The following RDX variants were observed in gnomAD, a reference collection of about 807,000 sequenced individuals.
RDX encodes the protein radixin.
Under a neutral mutation model 83.7 loss-of-function variants are expected in RDX, and 32 were observed. That is an observed-to-expected ratio of 0.38 (90% confidence interval 0.29 to 0.51). The LOEUF (loss-of-function observed/expected upper bound fraction) is 0.51, where lower values mean the gene tolerates loss of function less well. RDX is among the 20% of genes least tolerant of loss of function. The pLI is 0.87. For synonymous variants in RDX, 229 were observed against 222.7 expected (o/e 1.03, Z -0.25); for missense variants, 600 against 689.9 (o/e 0.87, Z 1.46).
At chr11:110,296,361 G>GCGC (rs1861460543) in intron 1 of RDX, 106 bp downstream of exon 1, 2 of 151,424 alleles carry the variant, frequency 1.3e-5, no homozygotes, top group Admixed American at 6.6e-5. Flanking sequence ...CCTGGCGGCG[G>GCGC]CGCCACGGCC....
At chr11:110,217,355 A>C (rs927831451) in intron 14 of RDX, among the ~76,000 whole-genome samples, 3 of 152,158 alleles carry the variant, frequency 2.0e-5, no homozygotes, top group Non-Finnish European at 4.4e-5. Flanking sequence ...GTGTTTTCCT[A>C]CTGGAAGTCA....
At chr11:110,286,055 AT>A (rs35300831) in intron 1 of RDX, among the ~76,000 whole-genome samples, 43,336 of 151,852 alleles carry the variant, frequency 0.29, 6,639 homozygotes, top group Middle Eastern at 0.35. Context: ...CCCACTCTTA[AT>A]TCTCTTAATT....
At chr11:110,283,184 C>T (rs1860835083) in intron 1 of RDX, among the ~76,000 whole-genome samples, 1 of 151,996 alleles carries the variant, frequency 6.6e-6, no homozygotes, top group Non-Finnish European at 1.5e-5. Context: ...GATGGAGTCT[C>T]GCTCTGTCAC....
At chr11:110,264,318 G>A in intron 4 of RDX, 84 bp from the exon 5 acceptor site, 1 of 932,676 alleles carries the variant, frequency 1.1e-6, no homozygotes, top group Non-Finnish European at 1.6e-6. Flanking sequence ...CTTTTTGGAA[G>A]AAAATGAAGT....
At chr11:110,205,418 A>G (rs546291311) in intron 14 of RDX, among the ~76,000 whole-genome samples, 6 of 136,796 alleles carry the variant, frequency 4.4e-5, no homozygotes, top group Non-Finnish European at 7.8e-5. Context: ...AAATTGTAAA[A>G]CGTTTACCTA....
Position 110,231,605 on chromosome 11 carries a change from A to G in RDX, c.*264T>C, listed in dbSNP as rs1286198951. The G allele has an allele frequency of 1.4e-5, 7 of 494,364 alleles. No individual in the cohort carries two copies. The highest frequency in any genetic ancestry group is 5.8e-5 in the African/African-American group (3 of 51,810). 30.6% of individuals were successfully genotyped at this position (494,364 alleles called of 1,614,324 possible). On this transcript the variant is annotated 3_prime_UTR_variant, in exon 14 of 14. Transcript: ENST00000645495. ...ATTAGTGTTAATCTTCAACAGAAAA[A>G]AAAAAGAAAAAGAAAAAAAATGTGA... is the stretch of plus-strand genomic sequence containing the variant.
At chr11:110,202,756 A>T (rs1412812790) in intron 14 of RDX, among the ~76,000 whole-genome samples, 1 of 151,952 alleles carries the variant, frequency 6.6e-6, no homozygotes. Flanking sequence ...AAGACATACA[A>T]ATGGCAGCAG....
chr11:110,235,788 T>C (rs541568051), intron 12 of RDX, among the ~76,000 whole-genome samples: 5 of 152,340 alleles, frequency 3.3e-5, no homozygotes, highest in African/African-American at 7.2e-5. Flanking sequence ...TGACTACTTC[T>C]TCAGTCTCTA....
chr11:110,258,000 TTTACA>T (rs1859615101), intron 6 of RDX, 87 bp from the exon 7 acceptor site: 1 of 1,473,436 alleles, frequency 6.8e-7, no homozygotes, highest in Non-Finnish European at 9.5e-7. Context: ...AAATTAGTAC[TTTACA>T]TAAGTCAAAC....
chr11:110,182,209 C>T lies in RDX; in HGVS notation c.*32-6975G>A, dbSNP rs190390257. Among the ~76,000 whole-genome samples the T allele has an allele frequency of 5.5e-4, 84 of 152,346 alleles. 1 individual carries two copies. The East Asian group carries it at 8.9e-3, about 16-fold the overall frequency. Reference sequence around the variant, plus strand: ...GCAGTGCTGGGTGCCAAGGGAGACGCGGAAGAGGTGGAGCTCCAGGAGGGC... The same window carrying T: ...GCAGTGCTGGGTGCCAAGGGAGACGTGGAAGAGGTGGAGCTCCAGGAGGGC... On this transcript the variant is annotated intron_variant, in intron 15 of 15. Coordinates refer to the RDX transcript ENST00000528498.
intron 14 of RDX, among the ~76,000 whole-genome samples, chr11:110,216,544 T>TC (rs1477937254): frequency 2.7e-5 from 4 of 148,002 alleles, no homozygotes; most frequent in East Asian, 2.0e-4. Context: ...TTTTTTTCTT[T>TC]TTTTTTTTTT....
At chr11:110,291,337 AGGAGGGAGACAGGGAAAAAGGGAGGGAC>A in intron 1 of RDX, among the ~76,000 whole-genome samples, 1 of 152,206 alleles carries the variant, frequency 6.6e-6, no homozygotes. Context: ...GACAGAGAGA[AGGAGGGAGACAGGGAAAAAGGGAGGGAC>A]GGAGGGAGGA....
chr11:110,248,327 T>G (rs1859201019), intron 9 of RDX, among the ~76,000 whole-genome samples: 1 of 152,192 alleles, frequency 6.6e-6, no homozygotes, highest in Non-Finnish European at 1.5e-5. Flanking sequence ...AACAGGGTTT[T>G]CATTGTATTA....
At chr11:110,215,631 A>C (rs553748171) in intron 14 of RDX, among the ~76,000 whole-genome samples, 1 of 152,298 alleles carries the variant, frequency 6.6e-6, no homozygotes, top group Admixed American at 6.5e-5. Flanking sequence ...GATTTAAAGC[A>C]GTCTTCTTTG....
intron 10 of RDX, among the ~76,000 whole-genome samples, chr11:110,239,549 G>A (rs1864998347): frequency 6.6e-6 from 1 of 152,004 alleles, no homozygotes; most frequent in South Asian, 2.1e-4. Flanking sequence ...CTCAAAAGAC[G>A]TACAAATGGC....
chr11:110,278,832 A>C (rs1860626537), intron 2 of RDX, among the ~76,000 whole-genome samples: 1 of 151,978 alleles, frequency 6.6e-6, no homozygotes, highest in African/African-American at 2.4e-5. Flanking sequence ...CTTTCTTTAA[A>C]ATTATAATTG....
intron 4 of RDX, 26 bp from the exon 5 acceptor site, chr11:110,264,260 C>A: frequency 2.6e-6 from 4 of 1,532,822 alleles, no homozygotes; most frequent in Non-Finnish European, 3.6e-6. Context: ...CAAGTATAAT[C>A]AACAAAAATC....
At chr11:110,268,367 AG>A (rs1242421610) in intron 3 of RDX, among the ~76,000 whole-genome samples, 5 of 152,206 alleles carry the variant, frequency 3.3e-5, no homozygotes, top group Admixed American at 1.3e-4. Flanking sequence ...TGGAATATAA[AG>A]TCTCATACTG....
intron 3 of RDX, among the ~76,000 whole-genome samples, chr11:110,267,639 T>C (rs188471497): frequency 6.6e-6 from 1 of 151,794 alleles, no homozygotes; most frequent in Admixed American, 6.6e-5. Context: ...TTTCCCACTC[T>C]TGAAAATTTT....
Sources: gnomAD v4.1 joint callset for allele counts (sites outside exome capture counted in the v4.1 genomes callset) on GRCh38, gnomAD v4.1.1 for gene constraint, MANE v1.5 for transcripts, NCBI Gene and HGNC (gene_info 2026-07-23, HGNC 2026-07-21) for gene names.